Variants in DPH7 observed in about 807,000 individuals in gnomAD.
The protein encoded by DPH7 is diphthamide biosynthesis 7, also known as diphthine methyltransferase.
A neutral mutation model predicts 41.7 loss-of-function variants in DPH7; 44 were observed. That is an observed-to-expected ratio of 1.05 (90% confidence interval 0.83 to 1.36). The LOEUF (loss-of-function observed/expected upper bound fraction) is 1.36. DPH7 is among the 40% of genes most tolerant of loss of function. DPH7 has a pLI of 0.00. For missense variants in DPH7, 629 were observed against 577.5 expected (o/e 1.09, Z -0.91); for synonymous variants, 275 against 238.0 (o/e 1.16, Z -1.43).
chr9:137,562,644 T>C lies in DPH7; in HGVS notation c.949+1790A>G, dbSNP rs536708373. Among the ~76,000 whole-genome samples the C allele has an allele frequency of 2.0e-4, 30 of 151,936 alleles. 1 individual carries two copies. Among genetic ancestry groups the C allele is most frequent in the African/African-American group, 6.8e-4 (28 of 41,458 alleles). ...TGAGAAATATTATGGCTGGGCATGG[T>C]GGTCCCAGCTACTCGGGAGGCTGAG... On this transcript the variant is annotated intron_variant, in intron 8 of 8. Transcript: ENST00000277540.
chr9:137,568,838 C>T (rs1031701004), intron 5 of DPH7, among the ~76,000 whole-genome samples: 1 of 152,116 alleles, frequency 6.6e-6, no homozygotes, highest in Admixed American at 6.5e-5. Context: ...GTTACTAGGT[C>T]CTAGGGGCTA....
At chr9:137,560,970 C>T (rs567154412) in intron 8 of DPH7, among the ~76,000 whole-genome samples, 44 of 141,822 alleles carry the variant, frequency 3.1e-4, no homozygotes, top group African/African-American at 7.7e-4. Context: ...TGCAGTGGGC[C>T]GAGATCGTGC....
chr9:137,577,993 C>T (rs1588954971), intron 1 of DPH7: 1 of 985,340 alleles, frequency 1.0e-6, no homozygotes, highest in Non-Finnish European at 1.2e-6. Flanking sequence ...CCTTGGGCCA[C>T]ACCTGTATAT....
chr9:137,557,394 T>C (rs892739063), intron 8 of DPH7, among the ~76,000 whole-genome samples: 2 of 152,048 alleles, frequency 1.3e-5, no homozygotes, highest in Non-Finnish European at 2.9e-5. Flanking sequence ...TAGTACCAGC[T>C]ACTCGGGAGG....
intron 7 of DPH7, 128 bp downstream of exon 7, chr9:137,564,765 A>G (rs1839275600): frequency 7.0e-7 from 1 of 1,423,178 alleles, no homozygotes; most frequent in Non-Finnish European, 9.7e-7. Context: ...ACTCCGGCGA[A>G]GCACTGGCAG....
In DPH7 at chr9:137,578,667, C is replaced by T. The variant is rs1350631951; in HGVS notation, c.111G>A (p.Gln37=). The T allele has an allele frequency of 1.8e-5, 28 of 1,525,416 alleles. No individual in the cohort carries two copies. Among genetic ancestry groups the T allele is most frequent in the Non-Finnish European group, 2.5e-5 (28 of 1,138,604 alleles). 94.5% of individuals were successfully genotyped at this position (1,525,416 alleles called of 1,614,324 possible). A position where few individuals can be genotyped will look rare whatever the true frequency, so the allele number is the denominator to read the frequency against. Residue 37 remains glutamine (Q), a synonymous_variant, in exon 1 of 9, where the codon CAG becomes CAA. Coordinates refer to ENST00000277540, the MANE Select transcript of DPH7 (RefSeq NM_138778.5). ...CRHLLACGTY[Q]LRRPEDRPAG... is the part of the protein sequence containing the mutation. The stretch of plus-strand genomic sequence containing the variant: ...CAGGCCGGTCCTCCGGCCGCCGCAG[C>T]TGGTAGGTCCCGCACGCCAGCAGGT...
chr9:137,564,394 G>A (rs1457981888), intron 8 of DPH7, 40 bp downstream of exon 8: 1 of 1,587,780 alleles, frequency 6.3e-7, no homozygotes, highest in Non-Finnish European at 8.6e-7. Flanking sequence ...GGGAACTGGT[G>A]CCCTGCCCTG....
At chr9:137,559,686 CCT>C (rs1285419415) in intron 8 of DPH7, among the ~76,000 whole-genome samples, 5 of 152,338 alleles carry the variant, frequency 3.3e-5, no homozygotes, top group African/African-American at 1.2e-4. Context: ...CTCTCCTCTC[CCT>C]CTCTGCCTCG....
rs1034862767 is a variant in DPH7 at position 137,556,736 on chromosome 9, G to A, written c.950-1088C>T. 8.9e-6 allele frequency: 4 copies of A among 447,940 alleles called. No individual in the cohort carries two copies. The highest frequency in any genetic ancestry group is 2.0e-5 in the African/African-American group (1 of 49,842). 27.7% of individuals were successfully genotyped at this position (447,940 alleles called of 1,614,324 possible). A position where few individuals can be genotyped will look rare whatever the true frequency, so the allele number is the denominator to read the frequency against. On this transcript the variant is annotated intron_variant, in intron 8 of 8. Transcript: ENST00000277540. This position sits in a 1 kb window ranked among gnomAD's most constrained non-coding sequence, Gnocchi z 5.2. ...CTGTCCCTTGGGAGGTAGCGTCACAGGGCAGGCAGGACCTCCGCTAGTCTT... is the reference window on the plus strand; with the variant it reads ...CTGTCCCTTGGGAGGTAGCGTCACAAGGCAGGCAGGACCTCCGCTAGTCTT...
intron 5 of DPH7, among the ~76,000 whole-genome samples, chr9:137,569,048 T>C (rs1216087760): frequency 6.6e-6 from 1 of 151,122 alleles, no homozygotes; most frequent in South Asian, 2.1e-4. Flanking sequence ...AAGAGAGGAG[T>C]TGGTGCACTG....
rs1334011765 is a variant in DPH7, at chr9:137,574,312, T to C, written c.536A>G (p.Asn179Ser). ...STGQLHLLMV[N>S]ETRPRLQKVA... ...TTTCTGCAGCCTGGGCCTCGTCTCATTCACCATCAGGAGGTGGAGCTGCCC... is the reference window on the plus strand; with the variant it reads ...TTTCTGCAGCCTGGGCCTCGTCTCACTCACCATCAGGAGGTGGAGCTGCCC... The change falls in exon 5 of 9, where the codon AAT becomes AGT. Residue 179 changes from asparagine to serine, a missense_variant. Transcript: ENST00000277540. 7.4e-6 allele frequency: 12 copies of C among 1,614,084 alleles called. No individual in the cohort carries two copies. The highest frequency in any genetic ancestry group is 9.3e-6 in the Non-Finnish European group (11 of 1,180,042).
intron 8 of DPH7, among the ~76,000 whole-genome samples, chr9:137,560,640 G>A (rs1838360360): frequency 6.6e-6 from 1 of 152,110 alleles, no homozygotes; most frequent in African/African-American, 2.4e-5. Flanking sequence ...GGATCACGAG[G>A]TCAGGAGATC....
chr9:137,562,484 G>A (rs939937410), intron 8 of DPH7, among the ~76,000 whole-genome samples: 7 of 152,204 alleles, frequency 4.6e-5, no homozygotes, highest in East Asian at 1.9e-4. Context: ...AACCACATGG[G>A]AAATTAGAAA....
rs758645920 is a variant in DPH7 at position 137,556,618 on chromosome 9, A to T, written c.950-970T>A. On this transcript the variant is annotated intron_variant, in intron 8 of 8. Transcript: ENST00000277540. This position sits in a 1 kb window ranked among gnomAD's most constrained non-coding sequence, Gnocchi z 5.2. ...CTGGGCAGAGGTGGCTCCGAGGAGGAGTGAGATGCTGAATGTTCAGAGACA... is the reference window on the plus strand; with the variant it reads ...CTGGGCAGAGGTGGCTCCGAGGAGGTGTGAGATGCTGAATGTTCAGAGACA... 274 of 342,758 alleles carry T rather than the reference A, an allele frequency of 8.0e-4. No individual in the cohort carries two copies. Among genetic ancestry groups the T allele is most frequent in the Non-Finnish European group, 1.5e-3 (253 of 172,676 alleles). 21.2% of individuals were successfully genotyped at this position (342,758 alleles called of 1,614,324 possible). A position where few individuals can be genotyped will look rare whatever the true frequency, so the allele number is the denominator to read the frequency against.
chr9:137,574,603 C>T, intron 4 of DPH7, 149 bp downstream of exon 4: 1 of 900,148 alleles, frequency 1.1e-6, no homozygotes, highest in Non-Finnish European at 1.7e-6. Context: ...AATGGGGGAC[C>T]TTTTTTTCAT....
chr9:137,562,703 C>T (rs750020385), intron 8 of DPH7, among the ~76,000 whole-genome samples: 11 of 149,848 alleles, frequency 7.3e-5, no homozygotes, highest in Non-Finnish European at 1.0e-4. Context: ...GGGCTGGGCA[C>T]GGTGGCTCAT....
chr9:137,568,943 G>C (rs1053912746), intron 5 of DPH7, among the ~76,000 whole-genome samples: 19 of 152,114 alleles, frequency 1.2e-4, no homozygotes, highest in African/African-American at 4.3e-4. Flanking sequence ...GCACACAGGA[G>C]GCAGCAAGCA....
chr9:137,576,052 C>T (rs1031561081), intron 3 of DPH7, 28 bp downstream of exon 3: 6 of 1,613,548 alleles, frequency 3.7e-6, no homozygotes, highest in Non-Finnish European at 5.1e-6. Flanking sequence ...GTCCCTTCTG[C>T]CCCACAGAAC....
intron 7 of DPH7, 77 bp downstream of exon 7, chr9:137,564,816 G>A: frequency 2.0e-6 from 3 of 1,511,630 alleles, no homozygotes; most frequent in Non-Finnish European, 1.8e-6. Flanking sequence ...GGCAGCGAAA[G>A]AGGGAAGAAG....
Sources: gnomAD v4.1 joint callset for allele counts (sites outside exome capture counted in the v4.1 genomes callset) on GRCh38, gnomAD v4.1.1 for gene constraint, Gnocchi (gnomAD v3.1) non-coding constraint, MANE v1.5 for transcripts, NCBI Gene and HGNC (gene_info 2026-07-23, HGNC 2026-07-21) for gene names.